Variants in C7orf78 observed in about 807,000 individuals in gnomAD.
The protein encoded by C7orf78 is putative uncharacterized protein C7orf78.
At chr7:12,512,513 C>T in the C7orf78 span, among the ~76,000 whole-genome samples, 1 of 152,078 alleles carries the variant, frequency 6.6e-6, no homozygotes, top group East Asian at 1.9e-4. Flanking sequence ...CATGTTGAAC[C>T]ATCTTTTCAG....
At chr7:12,521,206 T>G in the C7orf78 span, among the ~76,000 whole-genome samples, 3 of 152,120 alleles carry the variant, frequency 2.0e-5, no homozygotes, top group Non-Finnish European at 2.9e-5. Flanking sequence ...ATTAACTTGT[T>G]TACCCTGAAA....
chr7:12,491,112 A>G, the C7orf78 span: 2 of 152,176 alleles, frequency 1.3e-5, no homozygotes, highest in Non-Finnish European at 2.9e-5. Context: ...TGTCTTTTTC[A>G]GCTATTCTTC....
At chr7:12,484,831 G>T in the C7orf78 span, among the ~76,000 whole-genome samples, 2 of 148,086 alleles carry the variant, frequency 1.4e-5, no homozygotes, top group South Asian at 4.4e-4. Context: ...TATGTTACTT[G>T]GAATTTACTC....
the C7orf78 span, among the ~76,000 whole-genome samples, chr7:12,495,838 G>A: frequency 6.6e-6 from 1 of 152,168 alleles, no homozygotes; most frequent in East Asian, 1.9e-4. Context: ...GTTCCTTAAT[G>A]CCTAGAAATA....
the C7orf78 span, chr7:12,483,547 G>A: frequency 6.6e-6 from 1 of 152,044 alleles, no homozygotes; most frequent in African/African-American, 2.4e-5. Context: ...TTGCTGATTG[G>A]TTTCTAGCTG....
chr7:12,496,654 T>C, the C7orf78 span: 19 of 152,234 alleles, frequency 1.2e-4, no homozygotes, highest in Non-Finnish European at 4.4e-5. Context: ...GTATCTTTTC[T>C]AGCCAATTAC....
At chr7:12,538,960 T>C in the C7orf78 span, among the ~76,000 whole-genome samples, 3 of 152,180 alleles carry the variant, frequency 2.0e-5, no homozygotes, top group Non-Finnish European at 4.4e-5. Context: ...ACAGGTGGCC[T>C]CTGCAGTTCT....
the C7orf78 span, among the ~76,000 whole-genome samples, chr7:12,518,981 C>T: frequency 2.0e-5 from 3 of 152,040 alleles, no homozygotes; most frequent in Non-Finnish European, 2.9e-5. Context: ...AGTACAGAAC[C>T]CGTGCTGCTG....
the C7orf78 span, among the ~76,000 whole-genome samples, chr7:12,533,185 T>TTTG: frequency 6.6e-6 from 1 of 152,042 alleles, no homozygotes; most frequent in African/African-American, 2.4e-5. Flanking sequence ...AAAAGTTTCT[T>TTTG]TTGTTGTTGT....
chr7:12,527,176 A>T, the C7orf78 span, among the ~76,000 whole-genome samples: 3 of 141,914 alleles, frequency 2.1e-5, no homozygotes, highest in South Asian at 6.8e-4. Context: ...GGAACATGTC[A>T]GCTTTCCTAG....
chr7:12,510,856 CTTGT>C, the C7orf78 span, among the ~76,000 whole-genome samples: 6 of 152,108 alleles, frequency 3.9e-5, no homozygotes, highest in African/African-American at 1.4e-4. Context: ...TCCCATCACT[CTTGT>C]TTATTTTGCT....
At chr7:12,519,678 C>T in the C7orf78 span, among the ~76,000 whole-genome samples, 2 of 152,162 alleles carry the variant, frequency 1.3e-5, no homozygotes, top group Non-Finnish European at 2.9e-5. Context: ...TCCTTTGTGC[C>T]CAGTGGCCAC....
chr7:12,505,574 T>G, the C7orf78 span, among the ~76,000 whole-genome samples: 5 of 152,192 alleles, frequency 3.3e-5, no homozygotes, highest in Non-Finnish European at 7.4e-5. Context: ...CTCTGCTTAT[T>G]GAATGCAGAT....
the C7orf78 span, among the ~76,000 whole-genome samples, chr7:12,536,997 CTCT>C: frequency 6.6e-6 from 1 of 152,142 alleles, no homozygotes; most frequent in African/African-American, 2.4e-5. Flanking sequence ...ACATTTTCCT[CTCT>C]TCTTCTGAGC....
At chr7:12,509,802 C>T in the C7orf78 span, among the ~76,000 whole-genome samples, 3 of 152,268 alleles carry the variant, frequency 2.0e-5, no homozygotes, top group South Asian at 4.1e-4. Context: ...ATCAGGATTT[C>T]AGCCAGGTGC....
At chr7:12,499,283 G>A in the C7orf78 span, among the ~76,000 whole-genome samples, 1 of 152,064 alleles carries the variant, frequency 6.6e-6, no homozygotes, top group Non-Finnish European at 1.5e-5. Flanking sequence ...AAAAGACACA[G>A]ACTGGCAAAT....
the C7orf78 span, among the ~76,000 whole-genome samples, chr7:12,492,176 C>T: frequency 0.029 from 4,373 of 151,992 alleles, 207 homozygotes; most frequent in African/African-American, 0.099. Context: ...CTTTTTTTCA[C>T]GACTTATATG....
At chr7:12,503,269 A>G in the C7orf78 span, among the ~76,000 whole-genome samples, 1 of 145,140 alleles carries the variant, frequency 6.9e-6, no homozygotes, top group Non-Finnish European at 1.5e-5. Flanking sequence ...AACACAAAAG[A>G]AAAAAAATAT....
chr7:12,503,136 T>G, the C7orf78 span, among the ~76,000 whole-genome samples: 1 of 137,506 alleles, frequency 7.3e-6, no homozygotes, highest in African/African-American at 2.9e-5. Flanking sequence ...TAATGCTAGA[T>G]GACGAGTTAG....
Sources: allele counts gnomAD v4.1 joint callset (sites outside exome capture counted in the v4.1 genomes callset), GRCh38; gene constraint gnomAD v4.1.1; transcripts MANE v1.5; gene names NCBI Gene and HGNC (gene_info 2026-07-23, HGNC 2026-07-21).